Variants in NELFA observed in about 807,000 individuals in gnomAD.
NELFA encodes negative elongation factor A.
A neutral mutation model predicts 51.8 loss-of-function variants in NELFA; 35 were observed. The ratio of observed to expected loss-of-function variants is 0.68; its 90% CI spans 0.52 to 0.90. NELFA has a LOEUF of 0.90. NELFA is among the 40% of genes least tolerant of loss of function. NELFA has a pLI of 0.00. For missense variants in NELFA, 658 were observed against 746.4 expected, an observed-to-expected ratio of 0.88 and a Z score of 1.38; for synonymous variants, 417 against 338.4, an observed-to-expected ratio of 1.23 and a Z score of -2.55.
At chr4:2,000,841 A>G (rs917265298) in intron 1 of NELFA, among the ~76,000 whole-genome samples, 1 of 152,202 alleles carries the variant, frequency 6.6e-6, no homozygotes, top group African/African-American at 2.4e-5. Context: ...AGAGACAACA[A>G]AAAAGAAAAC....
rs1339529806 is a variant in NELFA at position 1,986,314 on chromosome 4, G to A, written c.723C>T (p.Ile241=). The change falls in exon 5 of 11, where the codon ATC becomes ATT. Residue 241 remains isoleucine, a synonymous_variant. Coordinates refer to ENST00000382882, the MANE Select transcript of NELFA (RefSeq NM_005663.5). The part of the protein sequence containing the change: ...VFSPTGNRTP[I]PPSRTLLRKE... Reference sequence around the variant, plus strand: ...TCCGCAGCAGCGTCCTGGAAGGCGGGATGGGGGTCCGGTTCCCTGTGGGGC... The same window carrying A: ...TCCGCAGCAGCGTCCTGGAAGGCGGAATGGGGGTCCGGTTCCCTGTGGGGC... 1.9e-6 allele frequency: 3 copies of A among 1,594,192 alleles called. No individual in the cohort carries two copies. Among genetic ancestry groups the A allele is most frequent in the Non-Finnish European group, 2.6e-6 (3 of 1,170,568 alleles).
At chr4:2,005,001 G>C (rs1728672959) in intron 1 of NELFA, among the ~76,000 whole-genome samples, 2 of 148,096 alleles carry the variant, frequency 1.4e-5, no homozygotes. Context: ...TTAGAGACGG[G>C]GTTTCACCAT....
At position 1,983,683 on chromosome 4, in the gene NELFA, A is replaced by C; in HGVS notation, c.1315T>G (p.Phe439Val). The C allele has an allele frequency of 6.2e-7, 1 of 1,613,974 alleles. No homozygotes were observed. The highest frequency in any genetic ancestry group is 8.5e-7 in the Non-Finnish European group (1 of 1,179,976). Residue 439 changes from phenylalanine (F) to valine (V), a missense_variant, in exon 10 of 11, where the codon TTC (phenylalanine) becomes GTC (valine). Around this residue, in one of 3 missense-constraint regions of NELFA, gnomAD observed 87 missense variants for 130.2 expected, o/e 0.67. Coordinates refer to ENST00000382882, the MANE Select transcript of NELFA (RefSeq NM_005663.5). ...KNLSLTREQMFAAQEMFKTAN... is the reference protein window; with the variant it reads ...KNLSLTREQMVAAQEMFKTAN... ...GTCTTGAACATCTCCTGGGCAGCGA[A>C]CATCTGCTCTCTCTACAGCGGGGAG...
At chr4:2,004,850 G>A (rs966137358) in intron 1 of NELFA, among the ~76,000 whole-genome samples, 5 of 142,578 alleles carry the variant, frequency 3.5e-5, no homozygotes, top group African/African-American at 1.3e-4. Flanking sequence ...CTGTCGCCCA[G>A]GCTGGAGTGC....
At chr4:1,995,877 ATTTT>A (rs36104463) in intron 1 of NELFA, among the ~76,000 whole-genome samples, 1 of 144,408 alleles carries the variant, frequency 6.9e-6, no homozygotes, top group African/African-American at 2.6e-5. Flanking sequence ...CTTCTCACTG[ATTTT>A]TTTTTTTTTT....
chr4:1,991,864 GCCC>G (rs1398676443), intron 1 of NELFA, 149 bp from the exon 2 acceptor site: 4 of 772,202 alleles, frequency 5.2e-6, no homozygotes, highest in Non-Finnish European at 6.0e-6. Context: ...CTTCCTCTGA[GCCC>G]CCCGCCTCAC....
chr4:1,986,683 G>T, intron 4 of NELFA: 1 of 409,928 alleles, frequency 2.4e-6, no homozygotes, highest in South Asian at 2.5e-5. Flanking sequence ...GTGTGGCGGG[G>T]GCTGAGCTCT....
At chr4:2,008,665 G>T (rs1433668601) in intron 1 of NELFA, 85 bp downstream of exon 1, 2 of 1,484,766 alleles carry the variant, frequency 1.3e-6, no homozygotes, top group South Asian at 1.3e-5. Flanking sequence ...GGGGGAGGGA[G>T]CGAGGAGGGT....
At chr4:1,988,073 ATC>A (rs1728163178) in intron 3 of NELFA, 66 bp from the exon 4 acceptor site, 1 of 1,361,854 alleles carries the variant, frequency 7.3e-7, no homozygotes, top group East Asian at 2.4e-5. Flanking sequence ...TTGTAAAAAC[ATC>A]TCTGTCAAGT....
At chr4:1,988,221 G>T (rs1488416540) in intron 3 of NELFA, among the ~76,000 whole-genome samples, 1 of 152,204 alleles carries the variant, frequency 6.6e-6, no homozygotes, top group Non-Finnish European at 1.5e-5. Flanking sequence ...CGGGAGCTGG[G>T]TGGCTGTGGC....
At chr4:2,001,329 T>C (rs1253665102) in intron 1 of NELFA, among the ~76,000 whole-genome samples, 1 of 152,202 alleles carries the variant, frequency 6.6e-6, no homozygotes, top group African/African-American at 2.4e-5. Flanking sequence ...ATAAAGAGTA[T>C]TCAAATAGGA....
At chr4:1,997,394 C>T (rs1362685539) in intron 1 of NELFA, among the ~76,000 whole-genome samples, 4 of 152,160 alleles carry the variant, frequency 2.6e-5, no homozygotes, top group Non-Finnish European at 5.9e-5. Flanking sequence ...AGATATAGTA[C>T]AAAATTCCTA....
intron 7 of NELFA, 123 bp downstream of exon 7, chr4:1,985,653 A>C (rs1728064015): frequency 1.4e-6 from 1 of 715,668 alleles, no homozygotes; most frequent in Non-Finnish European, 2.3e-6. Flanking sequence ...ATACATAAAT[A>C]CAGACTGCAC....
At chr4:1,993,590 AG>A (rs1392212421) in intron 1 of NELFA, among the ~76,000 whole-genome samples, 3 of 133,386 alleles carry the variant, frequency 2.2e-5, no homozygotes, top group Admixed American at 7.5e-5. Context: ...AAAAAAAAAA[AG>A]AAAGAAAGAA....
rs140748706 is a variant in NELFA, at chr4:2,008,900, C to T, written c.60G>A (p.Thr20=). The T allele has an allele frequency of 2.3e-4, 364 of 1,585,460 alleles. No homozygotes were observed. The highest frequency in any genetic ancestry group is 2.9e-4 in the Non-Finnish European group (335 of 1,166,990). Residue 20 remains threonine, a synonymous_variant, in exon 1 of 11, where the codon ACG becomes ACA. Coordinates refer to ENST00000382882, the MANE Select transcript of NELFA (RefSeq NM_005663.5). ...GLWLHNKLGA[T]DELWAPPSIA... Reference sequence around the variant, plus strand: ...TGCTGGGCGGCGCCCACAGCTCGTCCGTGGCCCCCAGCTTGTTGTGCAGCC... The same window carrying T: ...TGCTGGGCGGCGCCCACAGCTCGTCTGTGGCCCCCAGCTTGTTGTGCAGCC...
chr4:1,997,573 C>A (rs916773019), intron 1 of NELFA, among the ~76,000 whole-genome samples: 1 of 152,094 alleles, frequency 6.6e-6, no homozygotes, highest in African/African-American at 2.4e-5. Flanking sequence ...GTGCTCACAC[C>A]CACTAGGATC....
chr4:2,008,766 C>T lies in NELFA; in HGVS notation c.194G>A (p.Arg65His), dbSNP rs1169761336. 6.2e-7 allele frequency: 1 copy of T among 1,610,278 alleles called. No individual in the cohort carries two copies. Reference protein sequence around the residue: ...KLLLGTLHLPRRTVDEMKGAL... With the variant: ...KLLLGTLHLPHRTVDEMKGAL... ...CTGCCTTACCTCGTCCACCGTGCGG[C>T]GCGGGAGGTGCAGCGTCCCGAGTAG... The change falls in exon 1 of 11, where the codon CGC becomes CAC. Residue 65 changes from arginine to histidine, a missense_variant. Arg to His is a conservative substitution (Grantham distance 29). Transcript: ENST00000382882.
chr4:2,007,217 C>A, intron 1 of NELFA: 1 of 338,104 alleles, frequency 3.0e-6, no homozygotes, highest in South Asian at 2.1e-5. Flanking sequence ...AAACAAAACA[C>A]AAACACAAAA....
intron 4 of NELFA, chr4:1,986,646 G>C (rs751017802): frequency 1.4e-5 from 7 of 507,854 alleles, no homozygotes; most frequent in Non-Finnish European, 2.1e-5. Flanking sequence ...CCAGCCACAG[G>C]ATCTCACCAG....
Sources: gnomAD v4.1 joint callset for allele counts (sites outside exome capture counted in the v4.1 genomes callset) on GRCh38, gnomAD v4.1.1 for gene constraint, gnomAD v4.1.1 regional missense constraint, MANE v1.5 for transcripts, NCBI Gene and HGNC (gene_info 2026-07-23, HGNC 2026-07-21) for gene names.